UMAD1: variants seen among roughly 807,000 people sequenced by gnomAD.
UMAD1 encodes UBAP1-MVB12-associated (UMA) domain containing 1.
In UMAD1, 8 loss-of-function variants were observed where a neutral mutation model predicts 6.1. That is an observed-to-expected ratio of 1.30 (90% CI 0.76 to 2.35). The LOEUF is 2.35. Among genes scored for constraint, UMAD1 ranks in the 30% most tolerant of loss-of-function variants. The pLI, the probability that UMAD1 is intolerant of heterozygous loss-of-function variation, is 0.00. For missense variants in UMAD1, 130 were observed against 78.4 expected, an observed-to-expected ratio of 1.66 and a Z score of -2.49; for synonymous variants, 56 against 31.4, an observed-to-expected ratio of 1.78 and a Z score of -2.61.
chr7:7,665,637 C>G (rs1779424341), intron 1 of UMAD1, among the ~76,000 whole-genome samples: 1 of 152,146 alleles, frequency 6.6e-6, no homozygotes, highest in South Asian at 2.1e-4. Context: ...ACATACCCAT[C>G]ACTTCCAAGA....
chr7:7,746,250 A>G (rs931863647), intron 2 of UMAD1, among the ~76,000 whole-genome samples: 28 of 152,208 alleles, frequency 1.8e-4, no homozygotes, highest in African/African-American at 6.5e-4. Flanking sequence ...CTCACTTTGC[A>G]ACATCAGTTG....
At chr7:7,834,931 C>T (rs1783537510) in intron 3 of UMAD1, among the ~76,000 whole-genome samples, 1 of 152,120 alleles carries the variant, frequency 6.6e-6, no homozygotes, top group South Asian at 2.1e-4. Flanking sequence ...TGTCTTCCCA[C>T]TGTGAAGCAG....
chr7:7,736,040 A>G (rs1781353701), intron 2 of UMAD1: 2 of 152,444 alleles, frequency 1.3e-5, no homozygotes, highest in South Asian at 2.1e-4. Context: ...GGTGAGAAAG[A>G]GAGATGTCTT....
chr7:7,759,228 A>G (rs758196926), intron 2 of UMAD1, among the ~76,000 whole-genome samples: 4 of 152,228 alleles, frequency 2.6e-5, no homozygotes, highest in Non-Finnish European at 5.9e-5. Context: ...GTTAGAAACT[A>G]TCATTAAGCA....
chr7:7,818,963 C>A (rs1451106480), intron 3 of UMAD1, among the ~76,000 whole-genome samples: 1 of 152,164 alleles, frequency 6.6e-6, no homozygotes, highest in East Asian at 1.9e-4. Flanking sequence ...GATTCTCCTG[C>A]CTCAGCCTCC....
chr7:7,779,860 T>G (rs1036970725), intron 2 of UMAD1, among the ~76,000 whole-genome samples: 1 of 152,130 alleles, frequency 6.6e-6, no homozygotes, highest in Admixed American at 6.6e-5. Flanking sequence ...CCCAGGCTGG[T>G]CTCAAACTCT....
intron 1 of UMAD1, among the ~76,000 whole-genome samples, chr7:7,647,368 T>G (rs1267821525): frequency 6.6e-6 from 1 of 152,212 alleles, no homozygotes; most frequent in Non-Finnish European, 1.5e-5. Flanking sequence ...ATGAGACTAA[T>G]TCTTTGAAAT....
intron 2 of UMAD1, among the ~76,000 whole-genome samples, chr7:7,800,721 C>A (rs909495550): frequency 1.3e-5 from 2 of 152,158 alleles, no homozygotes; most frequent in Non-Finnish European, 2.9e-5. Flanking sequence ...TTTTGTGTTG[C>A]ATATGGAGAA....
intron 1 of UMAD1, among the ~76,000 whole-genome samples, chr7:7,670,055 T>G (rs1779567147): frequency 6.6e-6 from 1 of 152,234 alleles, no homozygotes; most frequent in East Asian, 1.9e-4. Context: ...TTTGATGTTT[T>G]AGGTCATTAA....
intron 1 of UMAD1, among the ~76,000 whole-genome samples, chr7:7,649,462 C>T (rs1218183582): frequency 1.3e-5 from 2 of 152,194 alleles, no homozygotes; most frequent in Non-Finnish European, 2.9e-5. Context: ...GCTCTCAACA[C>T]TGTTGCATTG....
intron 2 of UMAD1, among the ~76,000 whole-genome samples, chr7:7,777,726 T>G (rs963571136): frequency 2.0e-5 from 3 of 151,980 alleles, no homozygotes; most frequent in Admixed American, 6.5e-5. Context: ...CTTTTGATTT[T>G]CTGATCTACT....
At chr7:7,850,751 T>C (rs1783899437) in intron 3 of UMAD1, among the ~76,000 whole-genome samples, 1 of 152,142 alleles carries the variant, frequency 6.6e-6, no homozygotes, top group Admixed American at 6.6e-5. Flanking sequence ...AATTAATTCA[T>C]ATATCTGAGG....
At chr7:7,872,009 A>T (rs1157649907) in intron 3 of UMAD1, among the ~76,000 whole-genome samples, 1 of 152,042 alleles carries the variant, frequency 6.6e-6, no homozygotes, top group Non-Finnish European at 1.5e-5. Context: ...TCCCCTCCGC[A>T]GTTCCATGCA....
At chr7:7,649,061 G>A (rs1458203268) in intron 1 of UMAD1, among the ~76,000 whole-genome samples, 1 of 150,842 alleles carries the variant, frequency 6.6e-6, no homozygotes, top group East Asian at 2.0e-4. Flanking sequence ...AGGAGGCTGA[G>A]GCAGGAGAAT....
At chr7:7,756,275 A>G (rs1489091783) in intron 2 of UMAD1, among the ~76,000 whole-genome samples, 3 of 152,184 alleles carry the variant, frequency 2.0e-5, no homozygotes, top group Admixed American at 1.3e-4. Flanking sequence ...TGGTGAATTG[A>G]CCAAAAAAGA....
chr7:7,866,667 A>G (rs1784233908), intron 3 of UMAD1, among the ~76,000 whole-genome samples: 1 of 152,216 alleles, frequency 6.6e-6, no homozygotes, highest in South Asian at 2.1e-4. Flanking sequence ...TTAACAGCGG[A>G]TAGCTTGGTA....
At chr7:7,685,649 G>A (rs1380500096) in intron 2 of UMAD1, among the ~76,000 whole-genome samples, 1 of 152,108 alleles carries the variant, frequency 6.6e-6, no homozygotes, top group Non-Finnish European at 1.5e-5. Flanking sequence ...AAATTTAAGT[G>A]TTGGCCCACT....
chr7:7,766,154 G>C (rs995745289), intron 2 of UMAD1, among the ~76,000 whole-genome samples: 2 of 152,108 alleles, frequency 1.3e-5, no homozygotes, highest in East Asian at 1.9e-4. Context: ...GATTATAATA[G>C]AGCAGCCTTG....
intron 2 of UMAD1, among the ~76,000 whole-genome samples, chr7:7,695,948 G>T (rs1425908047): frequency 6.6e-6 from 1 of 151,320 alleles, no homozygotes; most frequent in Non-Finnish European, 1.5e-5. Flanking sequence ...TTGTCTATAG[G>T]AGGCTCTTTT....
Sources: gnomAD v4.1 joint callset for allele counts (sites outside exome capture counted in the v4.1 genomes callset) on GRCh38, gnomAD v4.1.1 for gene constraint, MANE v1.5 for transcripts, NCBI Gene and HGNC (gene_info 2026-07-23, HGNC 2026-07-21) for gene names.